The following PBRM1 variants were observed in gnomAD, a reference collection of about 807,000 sequenced individuals.
PBRM1 encodes the protein protein polybromo-1.
Under a neutral mutation model 194.5 loss-of-function variants are expected in PBRM1, and 27 were observed. The ratio of observed to expected loss-of-function variants is 0.14; its 90% CI spans 0.10 to 0.19. PBRM1 has a LOEUF of 0.19. Ranked by LOEUF, PBRM1 falls within the 10% of genes least tolerant of loss-of-function variation. PBRM1 has a pLI of 1.00. For missense variants in PBRM1, 1,466 were observed against 2,077.2 expected (o/e 0.71, Z 5.72); for synonymous variants, 655 against 693.2 (o/e 0.94, Z 0.87).
intron 5 of PBRM1, among the ~76,000 whole-genome samples, chr3:52,655,431 T>C (rs1294536159): frequency 6.6e-6 from 1 of 152,196 alleles, no homozygotes; most frequent in Non-Finnish European, 1.5e-5. Context: ...CCAAATAATA[T>C]GCCACTGTAT....
rs779620657 is a variant in PBRM1, at chr3:52,609,433, T to C, written c.2447A>G (p.Asn816Ser). ...TATGTCAAATGTAAGGGGTGGTTTG[T>C]TAGGAAAGTTGGGATCCACAGCAGG... is the stretch of plus-strand genomic sequence containing the variant. The change falls in exon 16 of 30, where the codon AAC (asparagine) becomes AGC (serine). Residue 816 changes from asparagine to serine, a missense_variant. Physicochemically the swap from Asn to Ser is conservative, Grantham distance 46. This residue lies in a region of PBRM1 where 687 missense variants were observed against 946.2 expected (regional missense o/e 0.73). Coordinates refer to ENST00000296302, the Ensembl canonical transcript of PBRM1. This position sits in a 1 kb window ranked among gnomAD's most constrained non-coding sequence, Gnocchi z 4.1. 16 of 1,613,908 alleles carry C rather than the reference T, an allele frequency of 9.9e-6. No homozygotes were observed. In the South Asian group the frequency reaches 1.5e-4, roughly 16 times the overall value.
intron 5 of PBRM1, among the ~76,000 whole-genome samples, chr3:52,653,017 T>C (rs1453959646): frequency 6.6e-6 from 1 of 152,098 alleles, no homozygotes; most frequent in Non-Finnish European, 1.5e-5. Context: ...ACAAAAATTC[T>C]AAATTCACAG....
At chr3:52,550,005 G>A (rs949316771) in intron 29 of PBRM1, among the ~76,000 whole-genome samples, 2 of 152,016 alleles carry the variant, frequency 1.3e-5, no homozygotes, top group Non-Finnish European at 2.9e-5. Flanking sequence ...ATCACTTGAG[G>A]TCAAGAGTTT....
chr3:52,594,576 C>T (rs2093392164), intron 17 of PBRM1, among the ~76,000 whole-genome samples: 1 of 152,102 alleles, frequency 6.6e-6, no homozygotes, highest in Non-Finnish European at 1.5e-5. Context: ...GAGTATTTAG[C>T]CCATTTACAT....
intron 3 of PBRM1, among the ~76,000 whole-genome samples, chr3:52,663,736 A>T (rs1312443640): frequency 6.6e-6 from 1 of 152,216 alleles, no homozygotes; most frequent in Admixed American, 6.5e-5. Context: ...ACCATAGAAT[A>T]AAAAACAGGT....
intron 13 of PBRM1, among the ~76,000 whole-genome samples, chr3:52,622,270 G>A (rs1001174540): frequency 4.7e-5 from 7 of 148,932 alleles, no homozygotes; most frequent in African/African-American, 1.2e-4. Flanking sequence ...CCCAGGAGGC[G>A]GAGGTTGCAG....
intron 15 of PBRM1, among the ~76,000 whole-genome samples, chr3:52,613,939 A>G (rs1484097941): frequency 6.6e-6 from 1 of 152,252 alleles, no homozygotes; most frequent in African/African-American, 2.4e-5. Flanking sequence ...AAGTGGAATG[A>G]AAGTTTTACA....
chr3:52,602,403 G>T (rs942444307), intron 17 of PBRM1, among the ~76,000 whole-genome samples: 2 of 152,094 alleles, frequency 1.3e-5, no homozygotes, highest in Non-Finnish European at 2.9e-5. Flanking sequence ...GTATAGGTTG[G>T]GGGATGCACT....
exon 23 of PBRM1, chr3:52,564,105 A>C: frequency 6.2e-7 from 1 of 1,613,954 alleles, no homozygotes; most frequent in Non-Finnish European, 8.5e-7. Flanking sequence ...AACCTCTTCA[A>C]TCCTTTGAAT....
At chr3:52,657,469 TTTTA>T (rs1329083543) in intron 5 of PBRM1, among the ~76,000 whole-genome samples, 25 of 152,234 alleles carry the variant, frequency 1.6e-4, no homozygotes, top group East Asian at 3.9e-4. Flanking sequence ...AACATCTTCC[TTTTA>T]TTTATTTATT....
chr3:52,586,170 G>A (rs2092359505), intron 20 of PBRM1: 3 of 286,342 alleles, frequency 1.0e-5, no homozygotes, highest in South Asian at 6.2e-5. Flanking sequence ...TCCTGATCTC[G>A]TGATCTGCCC....
intron 5 of PBRM1, among the ~76,000 whole-genome samples, chr3:52,656,786 A>G (rs573995417): frequency 6.6e-6 from 1 of 152,244 alleles, no homozygotes; most frequent in South Asian, 2.1e-4. Flanking sequence ...AAATGTAGTA[A>G]GGCACGGTGG....
chr3:52,619,547 C>T (rs1165502361), intron 13 of PBRM1, among the ~76,000 whole-genome samples: 5 of 152,064 alleles, frequency 3.3e-5, no homozygotes, highest in Non-Finnish European at 7.4e-5. Context: ...GATGTGGAAG[C>T]CATGGATACA....
intron 4 of PBRM1, among the ~76,000 whole-genome samples, chr3:52,659,736 C>T (rs1056961148): frequency 6.6e-6 from 1 of 152,126 alleles, no homozygotes; most frequent in African/African-American, 2.4e-5. Context: ...GAAAATCATC[C>T]TTGATTTAAA....
At chr3:52,610,510 G>A (rs1220070422) in intron 15 of PBRM1, among the ~76,000 whole-genome samples, 1 of 152,170 alleles carries the variant, frequency 6.6e-6, no homozygotes, top group Non-Finnish European at 1.5e-5. Context: ...ATGTTGAGGA[G>A]CCCTCACCTT....
At chr3:52,601,765 C>A (rs1430158526) in intron 17 of PBRM1, among the ~76,000 whole-genome samples, 13 of 152,070 alleles carry the variant, frequency 8.5e-5, no homozygotes, top group African/African-American at 2.9e-4. Context: ...CCAGGAATGG[C>A]AGCAGTGGAT....
Position 52,609,102 on chromosome 3 carries a change from C to A in PBRM1, c.2567+211G>T, listed in dbSNP as rs955080811. ...TCAATTTTGTCTTCCTCCTCACTGGCCTTAAACTAGATGACTTAGTGGTGT... is the reference window on the plus strand; with the variant it reads ...TCAATTTTGTCTTCCTCCTCACTGGACTTAAACTAGATGACTTAGTGGTGT... On this transcript the variant is annotated intron_variant, in intron 16 of 29. Coordinates refer to ENST00000296302, the Ensembl canonical transcript of PBRM1. The surrounding 1 kb of genome is among the most constrained non-coding windows in gnomAD (Gnocchi z 4.1). The A allele has an allele frequency of 1.3e-5, 6 of 477,396 alleles. No homozygotes were observed. Among genetic ancestry groups the A allele is most frequent in the African/African-American group, 9.8e-5 (5 of 50,794 alleles). The allele number at this position is 477,396 out of a possible 1,614,324, so 29.6% of individuals were successfully genotyped here. A position where few individuals can be genotyped will look rare whatever the true frequency, so the allele number is the denominator to read the frequency against.
At chr3:52,654,093 A>G (rs1037036390) in intron 5 of PBRM1, among the ~76,000 whole-genome samples, 2 of 152,180 alleles carry the variant, frequency 1.3e-5, no homozygotes, top group African/African-American at 4.8e-5. Flanking sequence ...AGTTGCCCAA[A>G]TATCAAAAGT....
In PBRM1 at chr3:52,609,516, T is replaced by C. The variant is rs760646679; in HGVS notation, c.2364A>G (p.Ser788=). The C allele has an allele frequency of 2.9e-5, 46 of 1,613,834 alleles. No individual in the cohort carries two copies. Among genetic ancestry groups the C allele is most frequent in the Admixed American group, 5.0e-5 (3 of 60,002 alleles). The change falls in exon 16 of 30, where the codon TCA becomes TCG. Residue 788 remains serine (S), a synonymous_variant. Coordinates refer to ENST00000296302, the Ensembl canonical transcript of PBRM1. This position sits in a 1 kb window ranked among gnomAD's most constrained non-coding sequence, Gnocchi z 4.1. ...CCTCATCATCCTGATGACTCATGAC[T>C]GACACAAAAAGATTGTGGATAAGCT...
Sources: allele counts gnomAD v4.1 joint callset (sites outside exome capture counted in the v4.1 genomes callset), GRCh38; gene constraint gnomAD v4.1.1; regional missense constraint gnomAD v4.1.1; non-coding constraint Gnocchi (gnomAD v3.1); transcripts MANE v1.5; gene names NCBI Gene and HGNC (gene_info 2026-07-23, HGNC 2026-07-21).